The following DIAPH3 variants were observed in gnomAD, a reference collection of about 807,000 sequenced individuals.
DIAPH3 encodes the protein diaphanous related formin 3.
In DIAPH3, 117 loss-of-function variants were observed where a neutral mutation model predicts 144.3. The observed-to-expected ratio is 0.81, with a 90% CI of 0.70 to 0.95. The LOEUF (loss-of-function observed/expected upper bound fraction) is 0.95, where lower values mean the gene tolerates loss of function less well. DIAPH3 is among the 40% of genes least tolerant of loss of function. DIAPH3 has a pLI of 0.00. For missense variants in DIAPH3, 1,421 were observed against 1,412.7 expected, an observed-to-expected ratio of 1.01 and a Z score of -0.09; for synonymous variants, 519 against 488.9, an observed-to-expected ratio of 1.06 and a Z score of -0.81.
Position 59,974,418 on chromosome 13 carries a change from A to G in DIAPH3, c.1584T>C (p.Ala528=). 6.2e-7 allele frequency: 1 copy of G among 1,611,664 alleles called. No homozygotes were observed. The highest frequency in any genetic ancestry group is 8.5e-7 in the Non-Finnish European group (1 of 1,179,322). ...TCTTTGCCTCTTTTTTCTGCAATTC[A>G]GCCTGAGTTTCTTGGTGGTCGGTAA... The part of the protein sequence containing the change: ...KEFTDHQETQ[A]ELQKKEAKIN... The change falls in exon 15 of 28, where the codon GCT becomes GCC. Residue 528 remains alanine, a synonymous_variant. Transcript: ENST00000400324.
At chr13:59,774,704 A>C (rs771071527) in intron 26 of DIAPH3, 24 bp downstream of exon 26, 6 of 1,603,798 alleles carry the variant, frequency 3.7e-6, no homozygotes, top group Non-Finnish European at 5.1e-6. Flanking sequence ...CTAGAAAGTA[A>C]CATGAAACAA....
At chr13:59,958,427 G>A (rs1192182109) in intron 17 of DIAPH3, among the ~76,000 whole-genome samples, 2 of 151,976 alleles carry the variant, frequency 1.3e-5, no homozygotes, top group East Asian at 1.9e-4. Context: ...TTATCAACAG[G>A]CAATGTAGAC....
At chr13:59,914,284 AT>A (rs1425313392) in intron 19 of DIAPH3, among the ~76,000 whole-genome samples, 4 of 152,216 alleles carry the variant, frequency 2.6e-5, no homozygotes, top group African/African-American at 9.6e-5. Flanking sequence ...TCGCATTAAA[AT>A]GAGGAATATA....
intron 24 of DIAPH3, among the ~76,000 whole-genome samples, chr13:59,826,372 T>C (rs960010694): frequency 3.5e-5 from 5 of 143,660 alleles, no homozygotes; most frequent in African/African-American, 1.0e-4. Context: ...TCACAAGCAT[T>C]CTTATACACC....
chr13:59,723,580 G>A (rs1465760188), intron 27 of DIAPH3, among the ~76,000 whole-genome samples: 3 of 151,432 alleles, frequency 2.0e-5, no homozygotes, highest in Non-Finnish European at 2.9e-5. Flanking sequence ...AAGATTCTTT[G>A]TTAAGTGACA....
chr13:59,807,500 CTG>C (rs1057289838), intron 25 of DIAPH3, among the ~76,000 whole-genome samples: 48 of 151,986 alleles, frequency 3.2e-4, no homozygotes, highest in Admixed American at 2.2e-3. Flanking sequence ...TAGCACATAT[CTG>C]TATTTATTTT....
chr13:60,043,937 A>C (rs985435113), intron 4 of DIAPH3, among the ~76,000 whole-genome samples: 2 of 152,200 alleles, frequency 1.3e-5, no homozygotes, highest in African/African-American at 4.8e-5. Context: ...CTCACAGAGA[A>C]GACTTCAAAG....
chr13:59,674,179 T>C (rs1448240749), intron 27 of DIAPH3, among the ~76,000 whole-genome samples: 1 of 152,246 alleles, frequency 6.6e-6, no homozygotes, highest in Non-Finnish European at 1.5e-5. Context: ...TTGAACATTA[T>C]TATGGCATAA....
chr13:59,903,441 A>G (rs1413443359), intron 20 of DIAPH3, among the ~76,000 whole-genome samples: 1 of 152,162 alleles, frequency 6.6e-6, no homozygotes, highest in Non-Finnish European at 1.5e-5. Flanking sequence ...TTTATGAAAT[A>G]AAACCACTAA....
chr13:60,126,450 G>A (rs1352377458), intron 2 of DIAPH3, among the ~76,000 whole-genome samples: 1 of 152,110 alleles, frequency 6.6e-6, no homozygotes, highest in African/African-American at 2.4e-5. Context: ...GCACTTTACT[G>A]CAAAGCTTCA....
chr13:60,030,046 A>G (rs2054675637), intron 5 of DIAPH3, among the ~76,000 whole-genome samples: 1 of 152,080 alleles, frequency 6.6e-6, no homozygotes, highest in South Asian at 2.1e-4. Context: ...TCTCTAAACT[A>G]GTTCCTTGTC....
intron 17 of DIAPH3, among the ~76,000 whole-genome samples, chr13:59,939,439 G>A (rs1000856246): frequency 7.9e-5 from 12 of 152,012 alleles, no homozygotes; most frequent in Admixed American, 2.0e-4. Context: ...CAATTACTCC[G>A]TCATTAAAGG....
At chr13:60,144,861 G>A (rs1951429464) in intron 1 of DIAPH3, 1 of 152,318 alleles carries the variant, frequency 6.6e-6, no homozygotes, top group Non-Finnish European at 1.5e-5. Context: ...AGCTTGATTA[G>A]AGGTGCTACT....
At chr13:60,093,335 T>C (rs1245130071) in intron 4 of DIAPH3, among the ~76,000 whole-genome samples, 1 of 152,158 alleles carries the variant, frequency 6.6e-6, no homozygotes, top group African/African-American at 2.4e-5. Flanking sequence ...ATAAGTGACA[T>C]TAAAAATCAA....
At chr13:59,984,268 C>A (rs2051231988) in intron 12 of DIAPH3, among the ~76,000 whole-genome samples, 1 of 151,480 alleles carries the variant, frequency 6.6e-6, no homozygotes, top group Admixed American at 6.6e-5. Flanking sequence ...TTAATACAAC[C>A]AAAATAAACA....
At chr13:59,943,754 G>A (rs1483601803) in intron 17 of DIAPH3, among the ~76,000 whole-genome samples, 1 of 152,056 alleles carries the variant, frequency 6.6e-6, no homozygotes, top group African/African-American at 2.4e-5. Flanking sequence ...CAGAGTTCAA[G>A]CAAATTCTGA....
At chr13:59,856,435 G>A (rs1317965775) in intron 22 of DIAPH3, among the ~76,000 whole-genome samples, 1 of 152,136 alleles carries the variant, frequency 6.6e-6, no homozygotes. Context: ...CAAGATCAAG[G>A]TGTTGGCAGA....
At chr13:60,107,868 C>T (rs1594686083) in intron 3 of DIAPH3, among the ~76,000 whole-genome samples, 1 of 152,212 alleles carries the variant, frequency 6.6e-6, no homozygotes, top group African/African-American at 2.4e-5. Context: ...TCATTTAATG[C>T]CTGTTAATGA....
At chr13:59,921,062 A>T (rs2047484946) in intron 18 of DIAPH3, among the ~76,000 whole-genome samples, 1 of 151,676 alleles carries the variant, frequency 6.6e-6, no homozygotes, top group South Asian at 2.1e-4. Context: ...GGGAAACACA[A>T]CATACCAAAA....
Sources: gnomAD v4.1 joint callset for allele counts (sites outside exome capture counted in the v4.1 genomes callset) on GRCh38, gnomAD v4.1.1 for gene constraint, MANE v1.5 for transcripts, NCBI Gene and HGNC (gene_info 2026-07-23, HGNC 2026-07-21) for gene names.